Variants in CDH18 observed in about 807,000 individuals in gnomAD.
CDH18 encodes the protein cadherin 18, also known as cadherin-18.
In CDH18, 31 loss-of-function variants were observed where a neutral mutation model predicts 67.9. The observed-to-expected ratio is 0.46, with a 90% CI of 0.34 to 0.62. The LOEUF (loss-of-function observed/expected upper bound fraction) is 0.62. CDH18 is among the 20% of genes least tolerant of loss of function. CDH18 has a pLI of 0.01. For synonymous variants in CDH18, 362 were observed against 347.2 expected (o/e 1.04, Z -0.48); for missense variants, 890 against 975.5 (o/e 0.91, Z 1.17).
chr5:19,489,031 AT>A (rs1474950553), intron 11 of CDH18, among the ~76,000 whole-genome samples: 1 of 152,018 alleles, frequency 6.6e-6, no homozygotes, highest in Non-Finnish European at 1.5e-5. Flanking sequence ...CCCTTTGACC[AT>A]CTGCCACACT....
At chr5:20,137,404 A>G (rs1406771476) in intron 2 of CDH18, among the ~76,000 whole-genome samples, 1 of 151,978 alleles carries the variant, frequency 6.6e-6, no homozygotes, top group Non-Finnish European at 1.5e-5. Flanking sequence ...TGCATCATTT[A>G]GTTCTCATGC....
At chr5:20,532,273 T>C (rs1312389738) in intron 1 of CDH18, among the ~76,000 whole-genome samples, 1 of 152,152 alleles carries the variant, frequency 6.6e-6, no homozygotes. Flanking sequence ...AGATCCTGTT[T>C]ATTGTGAATT....
chr5:19,546,741 ACATGGCAGAAGATATTAATAG>A (rs1489460895), intron 8 of CDH18, among the ~76,000 whole-genome samples: 1 of 152,162 alleles, frequency 6.6e-6, no homozygotes, highest in East Asian at 1.9e-4. Context: ...GCATGAACAC[ACATGGCAGAAGATATTAATAG>A]CAGCATGGAG....
chr5:19,976,041 T>A (rs1384515450), intron 2 of CDH18, among the ~76,000 whole-genome samples: 1 of 152,146 alleles, frequency 6.6e-6, no homozygotes, highest in Non-Finnish European at 1.5e-5. Flanking sequence ...CGAGAGCACC[T>A]CATCTGAAAC....
At chr5:20,376,527 AG>A (rs926178112) in intron 1 of CDH18, among the ~76,000 whole-genome samples, 1 of 148,682 alleles carries the variant, frequency 6.7e-6, no homozygotes, top group Non-Finnish European at 1.5e-5. Flanking sequence ...TGCTTTCTTT[AG>A]GGGGGTGTGT....
At chr5:19,935,886 T>G (rs1429723402) in intron 2 of CDH18, among the ~76,000 whole-genome samples, 3 of 150,796 alleles carry the variant, frequency 2.0e-5, no homozygotes, top group African/African-American at 4.8e-5. Flanking sequence ...TGATTTTTTT[T>G]TTTGTTCCTG....
chr5:20,490,142 G>A (rs1024766331), intron 1 of CDH18, among the ~76,000 whole-genome samples: 3 of 151,596 alleles, frequency 2.0e-5, no homozygotes, highest in Non-Finnish European at 4.4e-5. Flanking sequence ...AAGAATGATA[G>A]ACCAATGGCA....
At chr5:19,913,595 T>C (rs1393025349) in intron 2 of CDH18, among the ~76,000 whole-genome samples, 1 of 152,060 alleles carries the variant, frequency 6.6e-6, no homozygotes, top group Non-Finnish European at 1.5e-5. Flanking sequence ...TTCAAGAATA[T>C]ATCACGAGGT....
intron 3 of CDH18, among the ~76,000 whole-genome samples, chr5:19,788,950 T>G (rs1048630418): frequency 5.3e-5 from 8 of 152,302 alleles, no homozygotes; most frequent in African/African-American, 1.4e-4. Flanking sequence ...GGATTGTTTT[T>G]GGGGTGTCAG....
intron 1 of CDH18, among the ~76,000 whole-genome samples, chr5:20,457,088 A>G (rs955171250): frequency 6.6e-6 from 1 of 152,230 alleles, no homozygotes; most frequent in African/African-American, 2.4e-5. Context: ...ACGTGCAAGC[A>G]GATTTCAGAC....
At chr5:19,638,528 T>C (rs1448047866) in intron 5 of CDH18, among the ~76,000 whole-genome samples, 1 of 147,216 alleles carries the variant, frequency 6.8e-6, no homozygotes, top group East Asian at 2.0e-4. Context: ...TTCTTTAATG[T>C]GTTTAAGTCT....
chr5:19,618,049 A>G (rs1029373400), intron 5 of CDH18, among the ~76,000 whole-genome samples: 4 of 152,214 alleles, frequency 2.6e-5, no homozygotes, highest in African/African-American at 9.6e-5. Context: ...ACCACAGAAG[A>G]CTGCAAAATA....
At chr5:19,604,535 ACACACACAC>A (rs1747714515) in intron 6 of CDH18, among the ~76,000 whole-genome samples, 1 of 15,920 alleles carries the variant, frequency 6.3e-5, no homozygotes, top group Non-Finnish European at 4.0e-4. Context: ...ATTAAAACAC[ACACACACAC>A]ACACACACAC....
chr5:19,695,767 G>A (rs1273411748), intron 5 of CDH18, among the ~76,000 whole-genome samples: 2 of 152,162 alleles, frequency 1.3e-5, no homozygotes, highest in African/African-American at 2.4e-5. Context: ...ACCTTTGACT[G>A]TTACAGCAAC....
intron 1 of CDH18, among the ~76,000 whole-genome samples, chr5:20,404,858 G>T (rs1746089102): frequency 6.6e-6 from 1 of 152,218 alleles, no homozygotes; most frequent in African/African-American, 2.4e-5. Context: ...GCGCAATAAA[G>T]TAAAATCACA....
At chr5:20,094,799 T>C (rs112536770) in intron 2 of CDH18, among the ~76,000 whole-genome samples, 3,250 of 152,212 alleles carry the variant, frequency 0.021, 117 homozygotes, top group African/African-American at 0.071. Context: ...GCAATCTCAT[T>C]ACTGGGTATA....
chr5:20,191,722 T>C (rs1156883572), intron 2 of CDH18, among the ~76,000 whole-genome samples: 2 of 152,164 alleles, frequency 1.3e-5, no homozygotes, highest in African/African-American at 2.4e-5. Flanking sequence ...TATTCCATGA[T>C]ATATATGTAC....
At chr5:19,872,331 G>C (rs1245034415) in intron 2 of CDH18, among the ~76,000 whole-genome samples, 1 of 152,142 alleles carries the variant, frequency 6.6e-6, no homozygotes, top group East Asian at 1.9e-4. Flanking sequence ...AGAACCTGTA[G>C]CTGGTTTCTG....
chr5:19,899,746 T>C (rs980400306), intron 2 of CDH18, among the ~76,000 whole-genome samples: 2 of 152,096 alleles, frequency 1.3e-5, no homozygotes, highest in Non-Finnish European at 2.9e-5. Flanking sequence ...TATATATATA[T>C]AACAGAATAA....
Sources: gnomAD v4.1 joint callset for allele counts (sites outside exome capture counted in the v4.1 genomes callset) on GRCh38, gnomAD v4.1.1 for gene constraint, MANE v1.5 for transcripts, NCBI Gene and HGNC (gene_info 2026-07-23, HGNC 2026-07-21) for gene names.